Variants in DYRK1A observed in about 807,000 individuals in gnomAD.
DYRK1A encodes dual specificity tyrosine phosphorylation regulated kinase 1A.
In DYRK1A, 9 loss-of-function variants were observed where a neutral mutation model predicts 79.7. The observed-to-expected ratio is 0.11, with a 90% CI of 0.07 to 0.20. The LOEUF (loss-of-function observed/expected upper bound fraction) is 0.20, where lower values mean the gene tolerates loss of function less well. Ranked by LOEUF, DYRK1A falls within the 10% of genes least tolerant of loss-of-function variation. The probability of loss-of-function intolerance (pLI) is 1.00; values close to 1 mark genes in which losing one functional copy is unlikely to be tolerated. For synonymous variants in DYRK1A, 349 were observed against 329.7 expected, an observed-to-expected ratio of 1.06 and a Z score of -0.63; for missense variants, 622 against 956.0, an observed-to-expected ratio of 0.65 and a Z score of 4.61.
intron 1 of DYRK1A, among the ~76,000 whole-genome samples, chr21:37,417,531 T>TTTTCTTTTTCTTTTTCTTTTTCTTTTTG (rs1168432687): frequency 1.4e-5 from 1 of 73,124 alleles, no homozygotes; most frequent in Non-Finnish European, 3.2e-5. Flanking sequence ...TTCTTTTTCT[T>TTTTCTTTTTCTTTTTCTTTTTCTTTTTG]TTTTTTTTTT....
intron 1 of DYRK1A, among the ~76,000 whole-genome samples, chr21:37,374,517 C>T (rs1420303784): frequency 6.6e-6 from 1 of 151,766 alleles, no homozygotes; most frequent in Admixed American, 6.6e-5. Context: ...AGCTCAGATG[C>T]CTCTCTTTCT....
rs903562868 is a variant in DYRK1A, at chr21:37,488,465, A to C, written c.638-1710A>C. ...TGTCTTTGAACTTTAAAAAACATCTACTTCTTTACTGTGTAGCCAAATTTC... is the reference window on the plus strand; with the variant it reads ...TGTCTTTGAACTTTAAAAAACATCTCCTTCTTTACTGTGTAGCCAAATTTC... On this transcript the variant is annotated intron_variant, in intron 6 of 11. Coordinates refer to ENST00000647188, the MANE Select transcript of DYRK1A (RefSeq NM_001347721.2). 1.4e-5 allele frequency: 10 copies of C among 726,222 alleles called. No homozygotes were observed. In the African/African-American group the frequency reaches 1.9e-4, roughly 14 times the overall value. The allele number at this position is 726,222 out of a possible 1,614,324, so 45.0% of individuals were successfully genotyped here. A position where few individuals can be genotyped will look rare whatever the true frequency, so the allele number is the denominator to read the frequency against.
In DYRK1A at chr21:37,490,387, A is replaced by G. The variant is rs1384337682; in HGVS notation, c.850A>G (p.Ile284Val). ...IIHCDLKPEN[I>V]LLCNPKRSAI... ...TCACTGTGATCTAAAACCTGAAAAT[A>G]TCCTTCTTTGTAACCCCAAACGCAG... Residue 284 changes from isoleucine to valine, a missense_variant, in exon 7 of 12, where the codon ATC (isoleucine) becomes GTC (valine). Transcript: ENST00000647188. The G allele has an allele frequency of 6.2e-7, 1 of 1,613,680 alleles. No homozygotes were observed. The highest frequency in any genetic ancestry group is 1.1e-5 in the South Asian group (1 of 91,066).
chr21:37,433,701 G>A (rs995589216), intron 2 of DYRK1A, among the ~76,000 whole-genome samples: 6 of 152,146 alleles, frequency 3.9e-5, no homozygotes, highest in African/African-American at 1.4e-4. Context: ...GACTCGTAGT[G>A]TGTAGATGAT....
chr21:37,430,005 C>G (rs978170861), intron 2 of DYRK1A, among the ~76,000 whole-genome samples: 8 of 152,190 alleles, frequency 5.3e-5, no homozygotes, highest in African/African-American at 1.9e-4. Context: ...TACCTCTTTT[C>G]CATCCAGTTT....
In DYRK1A at chr21:37,515,466, G is replaced by A. The variant is rs1458143180; in HGVS notation, c.*2935G>A. ...CTCATATTTTAGTTGGTAGCATTTC[G>A]ACTGGATGTGAGGGTCTGATGGTTT... On this transcript the variant is annotated 3_prime_UTR_variant, in exon 12 of 12. Coordinates refer to ENST00000647188, the MANE Select transcript of DYRK1A (RefSeq NM_001347721.2). 2 of 152,026 alleles carry A rather than the reference G, an allele frequency of 1.3e-5. No homozygotes were observed. Among genetic ancestry groups the A allele is most frequent in the African/African-American group, 2.4e-5 (1 of 41,396 alleles). The allele number at this position is 152,026 out of a possible 1,614,324, so 9.4% of individuals were successfully genotyped here.
chr21:37,454,432 A>G (rs879456577), intron 2 of DYRK1A, among the ~76,000 whole-genome samples: 9 of 152,138 alleles, frequency 5.9e-5, no homozygotes, highest in Admixed American at 2.6e-4. Flanking sequence ...TGAGGTTGAC[A>G]CATAGACATG....
intron 1 of DYRK1A, among the ~76,000 whole-genome samples, chr21:37,400,658 G>A (rs979131993): frequency 6.6e-6 from 1 of 152,000 alleles, no homozygotes; most frequent in Non-Finnish European, 1.5e-5. Context: ...GTTCTTTTAG[G>A]GTCAGTGTAA....
Position 37,479,589 on chromosome 21 carries a change from G to GTTTTGTTTTTGT in DYRK1A, c.301-1032_301-1021dup, listed in dbSNP as rs1219075281. Among the ~76,000 whole-genome samples the GTTTTGTTTTTGT allele has an allele frequency of 5.8e-4, 43 of 74,360 alleles. 3 individuals carry two copies. Among genetic ancestry groups the GTTTTGTTTTTGT allele is most frequent in the African/African-American group, 1.8e-3 (33 of 17,930 alleles). The allele number at this position is 74,360 out of a possible 152,430, so 48.8% of individuals were successfully genotyped here. On this transcript the variant is annotated intron_variant, in intron 4 of 11. Coordinates refer to ENST00000647188, the MANE Select transcript of DYRK1A (RefSeq NM_001347721.2). Reference sequence around the variant, plus strand: ...TACTAGTCTTAGAAACAGTGTTGGTGTTTTGTTTTTGTTTTTGTTTTTGTT... The same window carrying GTTTTGTTTTTGT: ...TACTAGTCTTAGAAACAGTGTTGGTGTTTTGTTTTTGTTTTTGTTTTTGTTTTTGTTTTTGTT...
chr21:37,461,758 CAG>C (rs1311906488), intron 2 of DYRK1A, among the ~76,000 whole-genome samples: 3 of 151,990 alleles, frequency 2.0e-5, no homozygotes, highest in Admixed American at 1.3e-4. Context: ...TATATGGAAA[CAG>C]GTGTTTTTGT....
At chr21:37,378,829 T>C (rs1050675219) in intron 1 of DYRK1A, among the ~76,000 whole-genome samples, 8 of 152,072 alleles carry the variant, frequency 5.3e-5, no homozygotes, top group Non-Finnish European at 1.2e-4. Context: ...GGGGTTGACA[T>C]GTGGAGAGCT....
At chr21:37,401,069 G>A (rs112373425) in intron 1 of DYRK1A, among the ~76,000 whole-genome samples, 3 of 152,188 alleles carry the variant, frequency 2.0e-5, no homozygotes, top group Admixed American at 1.3e-4. Flanking sequence ...GCTTGAAGCC[G>A]AGAGGTGGAG....
chr21:37,495,640 A>G (rs2053244979), intron 8 of DYRK1A, among the ~76,000 whole-genome samples: 2 of 151,774 alleles, frequency 1.3e-5, no homozygotes, highest in African/African-American at 4.8e-5. Context: ...TAAAAAACAA[A>G]TAGCCGGGCA....
At chr21:37,405,563 AT>A (rs1293074782) in intron 1 of DYRK1A, among the ~76,000 whole-genome samples, 1 of 152,112 alleles carries the variant, frequency 6.6e-6, no homozygotes, top group Non-Finnish European at 1.5e-5. Flanking sequence ...AACTTTTTTA[AT>A]GTGGATCTAG....
At chr21:37,371,490 C>G (rs1354600471) in intron 1 of DYRK1A, among the ~76,000 whole-genome samples, 1 of 152,246 alleles carries the variant, frequency 6.6e-6, no homozygotes, top group Admixed American at 6.5e-5. Context: ...ACGTTGAACA[C>G]GTGAAATGGT....
At chr21:37,471,995 C>T (rs2052241415) in intron 2 of DYRK1A, among the ~76,000 whole-genome samples, 1 of 152,066 alleles carries the variant, frequency 6.6e-6, no homozygotes, top group Non-Finnish European at 1.5e-5. Flanking sequence ...TTTTCATTTC[C>T]ACCATGGATA....
Position 37,476,654 on chromosome 21 carries a change from A to C in DYRK1A, c.208-1554A>C, listed in dbSNP as rs149053952. 1.4e-4 allele frequency among the ~76,000 whole-genome samples: 22 copies of C among 152,372 alleles called. 1 individual carries two copies. Among genetic ancestry groups the C allele is most frequent in the Admixed American group, 1.3e-3 (20 of 15,310 alleles). On this transcript the variant is annotated intron_variant, in intron 3 of 11. Transcript: ENST00000647188. ...AGAAAAACTGACGTTTATTACCCAT[A>C]TTAATTTATGCATTAAGTCCTTAAG...
chr21:37,411,533 C>T (rs2050245185), intron 1 of DYRK1A, among the ~76,000 whole-genome samples: 1 of 152,064 alleles, frequency 6.6e-6, no homozygotes, highest in South Asian at 2.1e-4. Context: ...ATTGTATATT[C>T]AGTTTAGTGA....
chr21:37,485,149 T>A (rs767879117), intron 5 of DYRK1A, among the ~76,000 whole-genome samples: 1 of 152,168 alleles, frequency 6.6e-6, no homozygotes, highest in Non-Finnish European at 1.5e-5. Context: ...AAAAACCTTA[T>A]TAAATTTGTA....
Sources: allele counts gnomAD v4.1 joint callset (sites outside exome capture counted in the v4.1 genomes callset), GRCh38; gene constraint gnomAD v4.1.1; transcripts MANE v1.5; gene names NCBI Gene and HGNC (gene_info 2026-07-23, HGNC 2026-07-21).